RYR3: variants seen among roughly 807,000 people sequenced by gnomAD.
RYR3 encodes ryanodine receptor 3, also known as brain ryanodine receptor-calcium release channel.
RYR3 carries 207 observed loss-of-function variants against 584.3 expected under a neutral mutation model. The ratio of observed to expected loss-of-function variants is 0.35; its 90% CI spans 0.32 to 0.40. The LOEUF is 0.40. Among genes scored for constraint, RYR3 ranks in the 10% least tolerant of loss-of-function variants. The pLI, the probability that RYR3 is intolerant of heterozygous loss-of-function variation, is 1.00. For missense variants in RYR3, 5,616 were observed against 6,089.2 expected, an observed-to-expected ratio of 0.92 and a Z score of 2.59; for synonymous variants, 2,416 against 2,248.5, an observed-to-expected ratio of 1.07 and a Z score of -2.11.
chr15:33,865,023 T>C (rs1890003408), intron 103 of RYR3, 108 bp from the exon 104 acceptor site: 1 of 759,530 alleles, frequency 1.3e-6, no homozygotes, highest in East Asian at 2.6e-5. Flanking sequence ...TGGCCTCATA[T>C]AAATTCACAT....
intron 1 of RYR3, among the ~76,000 whole-genome samples, chr15:33,444,894 T>G (rs996110918): frequency 6.7e-6 from 1 of 149,424 alleles, no homozygotes; most frequent in African/African-American, 2.5e-5. Flanking sequence ...ACCCTAAAAC[T>G]TAAAGTATAA....
At chr15:33,566,388 A>T (rs1361355553) in intron 11 of RYR3, among the ~76,000 whole-genome samples, 2 of 152,218 alleles carry the variant, frequency 1.3e-5, no homozygotes, top group African/African-American at 2.4e-5. Context: ...ATCATGAGGT[A>T]TGTTATCGCC....
intron 2 of RYR3, among the ~76,000 whole-genome samples, chr15:33,476,652 C>T (rs763432011): frequency 2.0e-5 from 3 of 152,004 alleles, no homozygotes; most frequent in Admixed American, 6.5e-5. Flanking sequence ...TTTTGGCTTT[C>T]GGGAGTAAAT....
chr15:33,526,235 A>G lies in RYR3; in HGVS notation c.280-4357A>G, dbSNP rs564550854. Among the ~76,000 whole-genome samples the G allele has an allele frequency of 9.9e-4, 151 of 152,352 alleles. 1 individual carries two copies. The highest frequency in any genetic ancestry group is 3.3e-3 in the South Asian group (16 of 4,830). ...GGAACTACTAGAAGAAACGTCAGTA[A>G]TGGAAATTAATTCTGAAATTACGGG... is the stretch of plus-strand genomic sequence containing the variant. On this transcript the variant is annotated intron_variant, in intron 3 of 103. Transcript: ENST00000634891.
chr15:33,771,999 A>C lies in RYR3; in HGVS notation c.8896A>C (p.Lys2966Gln). Residue 2966 changes from lysine (K) to glutamine (Q), a missense_variant, in exon 63 of 104, where the codon AAG becomes CAG. Lys to Gln is a moderately conservative substitution (Grantham distance 53). Coordinates refer to ENST00000634891, the MANE Select transcript of RYR3 (RefSeq NM_001036.6). ...TGAAAATGCTGCAGAAGATTTGGAG[A>C]AGACTTCAGAAAACCTGAAACTTGG... ...FFENAAEDLE[K>Q]TSENLKLGKF... 1 of 1,613,684 alleles carries C rather than the reference A, an allele frequency of 6.2e-7. No homozygotes were observed. Among genetic ancestry groups the C allele is most frequent in the Non-Finnish European group, 8.5e-7 (1 of 1,179,782 alleles).
intron 1 of RYR3, among the ~76,000 whole-genome samples, chr15:33,319,963 G>A (rs73378425): frequency 0.066 from 10,048 of 152,168 alleles, 504 homozygotes; most frequent in African/African-American, 0.13. Context: ...GGGTCAAGCA[G>A]GTAGCTAAAT....
chr15:33,313,277 A>G (rs1429593472), intron 1 of RYR3, among the ~76,000 whole-genome samples: 6 of 152,228 alleles, frequency 3.9e-5, no homozygotes, highest in African/African-American at 1.2e-4. Context: ...ATAGCTGTTG[A>G]CAAGTTATTG....
In RYR3 at chr15:33,311,444, C is replaced by T. The variant is rs1023117452; in HGVS notation, c.51+348C>T. ...TCGCGGTTGTCCTGACCCATAAGAT[C>T]GGCGTTGGAAGCCCTCGCCCCGGGG... On this transcript the variant is annotated intron_variant, in intron 1 of 103. Transcript: ENST00000634891. This position sits in a 1 kb window ranked among gnomAD's most constrained non-coding sequence, Gnocchi z 4.4. 6.6e-6 allele frequency among the ~76,000 whole-genome samples: 1 copy of T among 152,204 alleles called. No individual in the cohort carries two copies. The highest frequency in any genetic ancestry group is 2.4e-5 in the African/African-American group (1 of 41,460).
Position 33,756,215 on chromosome 15 carries a change from G to A in RYR3, c.8516-91G>A, listed in dbSNP as rs1388554359. ...TGAAATCAGATAGCCTTTTTAAATA[G>A]CCTTTAGAAAAGCTGCTCTGTTTCT... On this transcript the variant is annotated intron_variant, in intron 58 of 103. Transcript: ENST00000634891. 13 of 839,660 alleles carry A rather than the reference G, an allele frequency of 1.5e-5. No individual in the cohort carries two copies. The East Asian group carries it at 3.4e-4, about 22-fold the overall frequency. The allele number at this position is 839,660 out of a possible 1,614,324, so 52.0% of individuals were successfully genotyped here. A position where few individuals can be genotyped will look rare whatever the true frequency, so the allele number is the denominator to read the frequency against.
chr15:33,647,761 T>G (rs1298764837), intron 30 of RYR3, among the ~76,000 whole-genome samples: 1 of 152,180 alleles, frequency 6.6e-6, no homozygotes, highest in East Asian at 1.9e-4. Context: ...GAGCATCAGT[T>G]GGAGGGCGCT....
At chr15:33,581,083 T>G (rs575759739) in intron 13 of RYR3, among the ~76,000 whole-genome samples, 108 of 152,112 alleles carry the variant, frequency 7.1e-4, no homozygotes, top group Non-Finnish European at 1.1e-3. Flanking sequence ...CATGGCTGTT[T>G]TGTGCATCTG....
At chr15:33,688,684 C>T (rs561182269) in intron 38 of RYR3, among the ~76,000 whole-genome samples, 8 of 152,078 alleles carry the variant, frequency 5.3e-5, no homozygotes, top group African/African-American at 7.2e-5. Context: ...AATATCATCT[C>T]GTGCCAGTTA....
At chr15:33,724,204 C>T (rs752636573) in intron 45 of RYR3, 28 bp downstream of exon 45, 28 of 1,259,184 alleles carry the variant, frequency 2.2e-5, no homozygotes, top group African/African-American at 4.4e-5. Flanking sequence ...CAGAGAACAG[C>T]TTTGAGAAAC....
chr15:33,533,337 A>G lies in RYR3; in HGVS notation c.381A>G (p.Arg127=). Residue 127 remains arginine (R), a synonymous_variant, in exon 5 of 104, where the codon AGA becomes AGG. Transcript: ENST00000634891. ...GMYLTCLTTS[R]SQTDKLAFDV... Reference sequence around the variant, plus strand: ...ATCTAACATGCTTGACTACATCAAGATCCCAGACAGACAAACTTGCCTTTG... The same window carrying G: ...ATCTAACATGCTTGACTACATCAAGGTCCCAGACAGACAAACTTGCCTTTG... 4 of 1,608,138 alleles carry G rather than the reference A, an allele frequency of 2.5e-6. No homozygotes were observed. The highest frequency in any genetic ancestry group is 3.4e-6 in the Non-Finnish European group (4 of 1,177,206).
chr15:33,663,048 AGT>A, intron 35 of RYR3, 100 bp downstream of exon 35: 1 of 1,082,628 alleles, frequency 9.2e-7, no homozygotes, highest in Admixed American at 2.1e-5. Flanking sequence ...AGGTATGTCA[AGT>A]GCTTGGCATA....
In RYR3 at chr15:33,865,342, A is replaced by AAAAAAAAACTGCTGAAAATCTGTGCT. The variant is rs539804653; in HGVS notation, c.*118_*143dup. ...TGACATTTTCTAAATGCCTCCCTTAAAAAAAAAACTGCTGAAAATCTGTGC... is the reference window on the plus strand; with the variant it reads ...TGACATTTTCTAAATGCCTCCCTTAAAAAAAAAACTGCTGAAAATCTGTGCTAAAAAAAACTGCTGAAAATCTGTGC... On this transcript the variant is annotated 3_prime_UTR_variant, in exon 104 of 104. Coordinates refer to ENST00000634891, the MANE Select transcript of RYR3 (RefSeq NM_001036.6). The AAAAAAAAACTGCTGAAAATCTGTGCT allele has an allele frequency of 7.8e-4, 550 of 708,698 alleles. 6 individuals carry two copies. In the South Asian group the frequency reaches 9.9e-3, roughly 13 times the overall value. The allele number at this position is 708,698 out of a possible 1,614,324, so 43.9% of individuals were successfully genotyped here. A position where few individuals can be genotyped will look rare whatever the true frequency, so the allele number is the denominator to read the frequency against.
At chr15:33,503,887 G>A (rs2052230232) in intron 3 of RYR3, 149 bp downstream of exon 3, 1 of 620,812 alleles carries the variant, frequency 1.6e-6, no homozygotes. Flanking sequence ...CCTGAGTTGA[G>A]TTGGTGTTAT....
At chr15:33,502,573 T>TA (rs2052089448) in intron 2 of RYR3, among the ~76,000 whole-genome samples, 1 of 152,244 alleles carries the variant, frequency 6.6e-6, no homozygotes, top group African/African-American at 2.4e-5. Context: ...AATGGGATTG[T>TA]AAACTCCAGA....
chr15:33,746,997 G>C (rs111576063), intron 53 of RYR3, among the ~76,000 whole-genome samples: 5,114 of 151,446 alleles, frequency 0.034, 266 homozygotes, highest in African/African-American at 0.12. Context: ...TTTTAGCAGA[G>C]ACGGGGTTTC....
Sources: gnomAD v4.1 joint callset for allele counts (sites outside exome capture counted in the v4.1 genomes callset) on GRCh38, gnomAD v4.1.1 for gene constraint, Gnocchi (gnomAD v3.1) non-coding constraint, MANE v1.5 for transcripts, NCBI Gene and HGNC (gene_info 2026-07-23, HGNC 2026-07-21) for gene names.